The following CFAP299 variants were observed in gnomAD, a reference collection of about 807,000 sequenced individuals.
CFAP299 encodes cilia- and flagella-associated protein 299.
CFAP299 carries 21 observed loss-of-function variants against 27.0 expected under a neutral mutation model. That is an observed-to-expected ratio of 0.78 (90% CI 0.55 to 1.12). CFAP299 has a LOEUF of 1.12. CFAP299 is among the 50% of genes most tolerant of loss of function. CFAP299 has a pLI of 0.00. For synonymous variants in CFAP299, 104 were observed against 98.1 expected, an observed-to-expected ratio of 1.06 and a Z score of -0.36; for missense variants, 310 against 276.6, an observed-to-expected ratio of 1.12 and a Z score of -0.86.
At chr4:80,690,708 A>G (rs377110787) in intron 3 of CFAP299, among the ~76,000 whole-genome samples, 5 of 152,168 alleles carry the variant, frequency 3.3e-5, no homozygotes, top group Admixed American at 6.5e-5. Context: ...CAGAACTGAA[A>G]GAAATAGAGA....
Position 80,380,462 on chromosome 4 carries a change from CT to C in CFAP299, c.242+17579del, listed in dbSNP as rs1416689388. Among the ~76,000 whole-genome samples the C allele has an allele frequency of 1.8e-4, 22 of 119,162 alleles. No individual in the cohort carries two copies. The East Asian group carries it at 5.9e-3, about 32-fold the overall frequency. 78.2% of individuals were successfully genotyped at this position (119,162 alleles called of 152,430 possible). On this transcript the variant is annotated intron_variant, in intron 2 of 5. Transcript: ENST00000358105. ...TTTTTTTTTTAGATAGAATCTCACTCTGTTGCACAGGCTGGAGTGCAGTGGC... is the reference window on the plus strand; with the variant it reads ...TTTTTTTTTTAGATAGAATCTCACTCGTTGCACAGGCTGGAGTGCAGTGGC...
At chr4:80,411,668 T>G (rs1280429113) in intron 2 of CFAP299, among the ~76,000 whole-genome samples, 1 of 152,102 alleles carries the variant, frequency 6.6e-6, no homozygotes, top group Admixed American at 6.6e-5. Flanking sequence ...CATTTTTTTG[T>G]TATTGTTTTG....
At position 80,554,505 on chromosome 4, in the gene CFAP299, G is replaced by GGT. The variant is rs1472646023; in HGVS notation, c.243-28588_243-28587insGT. Among the ~76,000 whole-genome samples the GGT allele has an allele frequency of 1.6e-4, 17 of 108,720 alleles. 1 individual carries two copies. The highest frequency in any genetic ancestry group is 5.1e-4 in the African/African-American group (14 of 27,676). The allele number at this position is 108,720 out of a possible 152,430, so 71.3% of individuals were successfully genotyped here. A position where few individuals can be genotyped will look rare whatever the true frequency, so the allele number is the denominator to read the frequency against. ...TTGAGTCTATATACGTTTTCCACTAGTTTTTTTTTTTTTTTTTTTGTCATG... is the reference window on the plus strand; with the variant it reads ...TTGAGTCTATATACGTTTTCCACTAGGTTTTTTTTTTTTTTTTTTTTGTCATG... On this transcript the variant is annotated intron_variant, in intron 2 of 5. Transcript: ENST00000358105.
chr4:80,593,418 G>C (rs999617250), intron 3 of CFAP299, among the ~76,000 whole-genome samples: 4 of 152,140 alleles, frequency 2.6e-5, no homozygotes, highest in African/African-American at 9.7e-5. Flanking sequence ...TACGGCTTTT[G>C]CAGTGTTAAC....
intron 2 of CFAP299, among the ~76,000 whole-genome samples, chr4:80,541,546 C>T (rs932958774): frequency 2.0e-5 from 3 of 152,066 alleles, no homozygotes; most frequent in East Asian, 1.9e-4. Flanking sequence ...GTTTTATCTT[C>T]CCCCATTGCA....
chr4:80,340,780 T>G (rs1240959375), intron 1 of CFAP299, among the ~76,000 whole-genome samples: 1 of 137,878 alleles, frequency 7.3e-6, no homozygotes, highest in Non-Finnish European at 1.5e-5. Flanking sequence ...TTTATTTTAT[T>G]TTATTATTTT....
At chr4:80,917,731 A>G (rs939446390) in intron 4 of CFAP299, among the ~76,000 whole-genome samples, 4 of 152,182 alleles carry the variant, frequency 2.6e-5, no homozygotes, top group Non-Finnish European at 5.9e-5. Flanking sequence ...ATACAGCAGA[A>G]ATAGGCTCTA....
chr4:80,524,219 G>T (rs1010014958), intron 2 of CFAP299, among the ~76,000 whole-genome samples: 6 of 151,958 alleles, frequency 3.9e-5, no homozygotes, highest in African/African-American at 1.5e-4. Flanking sequence ...CTTCCTGAAG[G>T]ATCAATTTTA....
At chr4:80,536,464 C>T (rs936577532) in intron 2 of CFAP299, among the ~76,000 whole-genome samples, 2 of 152,078 alleles carry the variant, frequency 1.3e-5, no homozygotes, top group African/African-American at 2.4e-5. Flanking sequence ...ACTTCAAAAT[C>T]TACTACAAAA....
intron 1 of CFAP299, among the ~76,000 whole-genome samples, chr4:80,347,541 A>G (rs1003074454): frequency 6.6e-6 from 1 of 152,196 alleles, no homozygotes; most frequent in African/African-American, 2.4e-5. Flanking sequence ...ATTGCTATAA[A>G]AAGAATGAAG....
intron 2 of CFAP299, among the ~76,000 whole-genome samples, chr4:80,554,588 G>T (rs1470682478): frequency 6.6e-6 from 1 of 150,932 alleles, no homozygotes; most frequent in Non-Finnish European, 1.5e-5. Context: ...ATTGCTTTGG[G>T]CAGTATGGCC....
intron 3 of CFAP299, among the ~76,000 whole-genome samples, chr4:80,823,727 A>G (rs1578157981): frequency 6.6e-6 from 1 of 152,206 alleles, no homozygotes; most frequent in African/African-American, 2.4e-5. Flanking sequence ...CATAGATATC[A>G]TGTAACTGTT....
chr4:80,689,796 C>G (rs1720524955), intron 3 of CFAP299, among the ~76,000 whole-genome samples: 1 of 152,066 alleles, frequency 6.6e-6, no homozygotes, highest in Non-Finnish European at 1.5e-5. Flanking sequence ...TTCAGGAAAC[C>G]CATCTCACAT....
At chr4:80,599,130 C>A (rs972752836) in intron 3 of CFAP299, among the ~76,000 whole-genome samples, 2 of 150,592 alleles carry the variant, frequency 1.3e-5, no homozygotes, top group Non-Finnish European at 1.5e-5. Context: ...GCAGCATTTA[C>A]AAAGTGTCTG....
intron 3 of CFAP299, among the ~76,000 whole-genome samples, chr4:80,702,853 G>A (rs1225105895): frequency 2.6e-5 from 4 of 151,638 alleles, no homozygotes; most frequent in South Asian, 4.1e-4. Context: ...GATTTGTGGC[G>A]TATCTCTGTA....
At position 80,401,949 on chromosome 4, in the gene CFAP299, A is replaced by G. The variant is rs868228985; in HGVS notation, c.242+39065A>G. 2.0e-4 allele frequency among the ~76,000 whole-genome samples: 31 copies of G among 152,146 alleles called. 1 individual carries two copies. The highest frequency in any genetic ancestry group is 9.2e-4 in the Admixed American group (14 of 15,270). ...TGGATGTGAGAGTTGGAATCAAAGG[A>G]GATCATTTTGGACCTTTAAAATTTG... On this transcript the variant is annotated intron_variant, in intron 2 of 5. Coordinates refer to ENST00000358105, the MANE Select transcript of CFAP299 (RefSeq NM_152770.3).
intron 3 of CFAP299, among the ~76,000 whole-genome samples, chr4:80,810,049 T>C (rs1729067254): frequency 6.6e-6 from 1 of 152,142 alleles, no homozygotes; most frequent in Non-Finnish European, 1.5e-5. Context: ...TAACAGTGCC[T>C]GGAACATAAG....
At chr4:80,352,272 A>T (rs1386095332) in intron 1 of CFAP299, among the ~76,000 whole-genome samples, 1 of 152,218 alleles carries the variant, frequency 6.6e-6, no homozygotes, top group Non-Finnish European at 1.5e-5. Flanking sequence ...TAAAAGATTT[A>T]AAGAGCAGTC....
At chr4:80,775,648 A>G (rs1726493245) in intron 3 of CFAP299, among the ~76,000 whole-genome samples, 1 of 152,036 alleles carries the variant, frequency 6.6e-6, no homozygotes, top group Non-Finnish European at 1.5e-5. Flanking sequence ...CCAGAACACT[A>G]AAAGTATGAA....
Sources: allele counts gnomAD v4.1 joint callset (sites outside exome capture counted in the v4.1 genomes callset), GRCh38; gene constraint gnomAD v4.1.1; transcripts MANE v1.5; gene names NCBI Gene and HGNC (gene_info 2026-07-23, HGNC 2026-07-21).